The following KCTD8 variants were observed in gnomAD, a reference collection of about 807,000 sequenced individuals.
The protein encoded by KCTD8 is potassium channel tetramerization domain containing 8, also known as BTB/POZ domain-containing protein KCTD8.
KCTD8 carries 27 observed loss-of-function variants against 31.5 expected under a neutral mutation model. The observed-to-expected ratio is 0.86, with a 90% CI of 0.63 to 1.18. The LOEUF is 1.18. KCTD8 is among the 50% of genes most tolerant of loss of function. The pLI is 0.00. For missense variants in KCTD8, 658 were observed against 647.7 expected (o/e 1.02, Z -0.17); for synonymous variants, 290 against 280.0 (o/e 1.04, Z -0.36).
chr4:44,393,164 C>T (rs1330792120), intron 1 of KCTD8, among the ~76,000 whole-genome samples: 3 of 151,842 alleles, frequency 2.0e-5, no homozygotes, highest in Non-Finnish European at 2.9e-5. Context: ...GTTCTGTGGC[C>T]TTATAGAAGT....
intron 1 of KCTD8, among the ~76,000 whole-genome samples, chr4:44,439,086 T>A (rs1424158416): frequency 6.6e-6 from 1 of 152,172 alleles, no homozygotes; most frequent in Non-Finnish European, 1.5e-5. Flanking sequence ...GCCAACAGAT[T>A]CTGGCATTGT....
intron 1 of KCTD8, among the ~76,000 whole-genome samples, chr4:44,245,760 T>C (rs1030376769): frequency 6.6e-6 from 1 of 151,922 alleles, no homozygotes; most frequent in Non-Finnish European, 1.5e-5. Context: ...ATAAATCAAG[T>C]AGAAGACTGA....
chr4:44,388,474 A>G (rs1271728324), intron 1 of KCTD8, among the ~76,000 whole-genome samples: 2 of 152,028 alleles, frequency 1.3e-5, no homozygotes, highest in Non-Finnish European at 2.9e-5. Context: ...TCAGTGATAG[A>G]CTGGATAAAG....
intron 1 of KCTD8, among the ~76,000 whole-genome samples, chr4:44,301,115 G>A (rs371543136): frequency 9.9e-5 from 15 of 151,878 alleles, no homozygotes; most frequent in East Asian, 1.9e-4. Flanking sequence ...CCAGTCTATC[G>A]TTGTTGGACA....
chr4:44,365,797 G>A (rs777333692), intron 1 of KCTD8, among the ~76,000 whole-genome samples: 2 of 152,024 alleles, frequency 1.3e-5, no homozygotes, highest in African/African-American at 4.8e-5. Flanking sequence ...ATCAGTCACC[G>A]GCAAAAAGAT....
chr4:44,372,316 G>A (rs569465324), intron 1 of KCTD8, among the ~76,000 whole-genome samples: 1 of 152,178 alleles, frequency 6.6e-6, no homozygotes, highest in South Asian at 2.1e-4. Context: ...ACACTCGAGG[G>A]GCTTACATTC....
intron 1 of KCTD8, among the ~76,000 whole-genome samples, chr4:44,383,496 C>T (rs575611419): frequency 1.3e-5 from 2 of 151,956 alleles, no homozygotes; most frequent in African/African-American, 4.8e-5. Context: ...GAACAGAGAA[C>T]TCATAAAAAA....
chr4:44,203,552 C>T lies in KCTD8; in HGVS notation c.962-28302G>A, dbSNP rs372297793. The stretch of plus-strand genomic sequence containing the variant: ...TAAATGAGCTAAGCATTCAACTAAG[C>T]GTTCAGCTCAATGGACTGAAAATAG... On this transcript the variant is annotated intron_variant, in intron 1 of 1. Transcript: ENST00000360029. Among the ~76,000 whole-genome samples the T allele has an allele frequency of 8.1e-5, 12 of 147,954 alleles. No individual in the cohort carries two copies. The East Asian group carries it at 1.2e-3, about 14-fold the overall frequency.
intron 1 of KCTD8, among the ~76,000 whole-genome samples, chr4:44,252,268 A>T (rs1031916393): frequency 2.6e-5 from 4 of 151,474 alleles, no homozygotes; most frequent in Non-Finnish European, 5.9e-5. Context: ...CTACTCATTG[A>T]TTGATGGGCT....
intron 1 of KCTD8, among the ~76,000 whole-genome samples, chr4:44,308,934 G>A (rs1274119703): frequency 6.6e-6 from 1 of 152,012 alleles, no homozygotes; most frequent in Non-Finnish European, 1.5e-5. Context: ...TTGATACACA[G>A]CATCTAGAGA....
At chr4:44,194,952 T>C (rs1713894474) in intron 1 of KCTD8, among the ~76,000 whole-genome samples, 1 of 150,910 alleles carries the variant, frequency 6.6e-6, no homozygotes, top group Non-Finnish European at 1.5e-5. Context: ...ACCTCCTGGG[T>C]TGAAGTGATT....
At chr4:44,385,642 T>C (rs999226328) in intron 1 of KCTD8, among the ~76,000 whole-genome samples, 1 of 151,604 alleles carries the variant, frequency 6.6e-6, no homozygotes, top group African/African-American at 2.4e-5. Flanking sequence ...GATTTAATAA[T>C]GATTTCATGG....
chr4:44,224,191 C>A (rs972978055), intron 1 of KCTD8, among the ~76,000 whole-genome samples: 1 of 152,146 alleles, frequency 6.6e-6, no homozygotes, highest in African/African-American at 2.4e-5. Context: ...TTTGACAGAT[C>A]CCTACTGCCT....
At chr4:44,283,605 G>GACAGC (rs1281614821) in intron 1 of KCTD8, among the ~76,000 whole-genome samples, 1 of 152,050 alleles carries the variant, frequency 6.6e-6, no homozygotes, top group East Asian at 1.9e-4. Context: ...AGTCCTAGAT[G>GACAGC]ACAGCACATC....
intron 1 of KCTD8, among the ~76,000 whole-genome samples, chr4:44,266,468 G>C (rs1262670689): frequency 6.6e-6 from 1 of 152,142 alleles, no homozygotes; most frequent in African/African-American, 2.4e-5. Context: ...ATCGAGTCTA[G>C]GAAGAAACTG....
intron 1 of KCTD8, among the ~76,000 whole-genome samples, chr4:44,385,460 T>C (rs748142828): frequency 6.6e-6 from 1 of 151,764 alleles, no homozygotes; most frequent in Non-Finnish European, 1.5e-5. Flanking sequence ...GAATGCAAAG[T>C]GTTTTCAACA....
intron 1 of KCTD8, among the ~76,000 whole-genome samples, chr4:44,298,583 C>A (rs1056880427): frequency 6.6e-6 from 1 of 152,098 alleles, no homozygotes; most frequent in Non-Finnish European, 1.5e-5. Flanking sequence ...TCCCCAGAAA[C>A]AATAAGAAAT....
At chr4:44,261,179 CT>C (rs1716150272) in intron 1 of KCTD8, among the ~76,000 whole-genome samples, 1 of 151,842 alleles carries the variant, frequency 6.6e-6, no homozygotes, top group Non-Finnish European at 1.5e-5. Context: ...AACTGGTGAA[CT>C]AATGGTAGTG....
At chr4:44,442,116 G>A (rs1295112351) in intron 1 of KCTD8, among the ~76,000 whole-genome samples, 2 of 151,996 alleles carry the variant, frequency 1.3e-5, no homozygotes, top group Non-Finnish European at 2.9e-5. Context: ...AAAAAAGACT[G>A]GAAGGAAATG....
Sources: gnomAD v4.1 joint callset for allele counts (sites outside exome capture counted in the v4.1 genomes callset) on GRCh38, gnomAD v4.1.1 for gene constraint, MANE v1.5 for transcripts, NCBI Gene and HGNC (gene_info 2026-07-23, HGNC 2026-07-21) for gene names.